PUDP: variants seen among roughly 807,000 people sequenced by gnomAD.
The protein encoded by PUDP is pseudouridine 5'-phosphatase.
In PUDP, 8 loss-of-function variants were observed where a neutral mutation model predicts 9.4. The ratio of observed to expected loss-of-function variants is 0.85; its 90% CI spans 0.50 to 1.53. PUDP has a LOEUF of 1.53. Among genes scored for constraint, PUDP ranks in the 40% most tolerant of loss-of-function variants. PUDP has a pLI of 0.00. For missense variants in PUDP, 188 were observed against 189.7 expected (o/e 0.99, Z 0.05); for synonymous variants, 99 against 80.7 (o/e 1.23, Z -1.22).
chrX:6,726,593 T>C (rs769236353), intron 3 of PUDP, among the ~76,000 whole-genome samples: 1 of 111,979 alleles, frequency 8.9e-6, no homozygotes, highest in African/African-American at 3.2e-5. Context: ...GGAAAACATA[T>C]ATATTCTAAA....
intron 1 of PUDP, among the ~76,000 whole-genome samples, chrX:7,128,836 T>C (rs1932548306): frequency 8.9e-6 from 1 of 111,808 alleles, no homozygotes; most frequent in African/African-American, 3.3e-5. Flanking sequence ...ATTTTGCGGA[T>C]AAAAATCAGG....
intron 3 of PUDP, among the ~76,000 whole-genome samples, chrX:6,769,849 A>G (rs996147715): frequency 1.8e-5 from 2 of 112,031 alleles, no homozygotes; most frequent in Non-Finnish European, 3.8e-5. Flanking sequence ...ATATTAATAT[A>G]AAGAAACTGT....
intron 1 of PUDP, among the ~76,000 whole-genome samples, chrX:6,981,333 A>C (rs2146799684): frequency 8.9e-6 from 1 of 111,907 alleles, no homozygotes; most frequent in East Asian, 2.8e-4. Context: ...TGATTTAAAA[A>C]GGTTAGGAAG....
At chrX:6,764,689 A>G (rs894858679) in intron 3 of PUDP, among the ~76,000 whole-genome samples, 2 of 111,634 alleles carry the variant, frequency 1.8e-5, no homozygotes, top group Non-Finnish European at 3.8e-5. Context: ...AACATTCATC[A>G]AAATTATTGA....
chrX:7,026,066 G>A (rs1929704873), intron 1 of PUDP, among the ~76,000 whole-genome samples: 1 of 112,378 alleles, frequency 8.9e-6, no homozygotes, highest in South Asian at 3.7e-4. Context: ...AACAGAGACT[G>A]CTTATTCTTA....
intron 3 of PUDP, among the ~76,000 whole-genome samples, chrX:6,765,032 C>T (rs945184400): frequency 1.8e-5 from 2 of 108,764 alleles, no homozygotes; most frequent in Non-Finnish European, 1.9e-5. Context: ...TTTGGGAGGC[C>T]GAGGCACGAG....
At chrX:6,962,029 G>A (rs1176416483) in intron 3 of PUDP, among the ~76,000 whole-genome samples, 4 of 112,068 alleles carry the variant, frequency 3.6e-5, no homozygotes, top group South Asian at 3.7e-4. Flanking sequence ...ATATGAAAAG[G>A]AAAATCAATT....
intron 3 of PUDP, among the ~76,000 whole-genome samples, chrX:6,729,052 G>A (rs973621462): frequency 3.6e-5 from 4 of 111,666 alleles, no homozygotes; most frequent in Non-Finnish European, 7.5e-5. Flanking sequence ...AGATCACAGA[G>A]GCAAAGTGCC....
chrX:6,795,545 G>A (rs1258641912), intron 3 of PUDP, among the ~76,000 whole-genome samples: 1 of 111,452 alleles, frequency 9.0e-6, no homozygotes, highest in African/African-American at 3.3e-5. Context: ...TGTGCTTAGG[G>A]ACCTGACCTG....
intron 3 of PUDP, among the ~76,000 whole-genome samples, chrX:6,806,004 C>A (rs186394518): frequency 5.0e-4 from 56 of 111,061 alleles, no homozygotes; most frequent in African/African-American, 1.8e-3. Context: ...AAGCAGAAAG[C>A]CCCAATAGGA....
intron 3 of PUDP, among the ~76,000 whole-genome samples, chrX:7,061,990 T>A (rs1404682864): frequency 4.5e-5 from 5 of 112,319 alleles, no homozygotes; most frequent in African/African-American, 1.6e-4. Flanking sequence ...TGCCACTAAA[T>A]ATCTCAATTA....
In PUDP at chrX:6,732,541, AAG is replaced by A. The variant is rs758245416; in HGVS notation, c.*248-26077_*248-26076del. Among the ~76,000 whole-genome samples the A allele has an allele frequency of 5.2e-3, 542 of 103,716 alleles. 7 individuals carry two copies. The highest frequency in any genetic ancestry group is 0.018 in the African/African-American group (523 of 28,627). 90.1% of individuals were successfully genotyped at this position (103,716 alleles called of 115,157 possible). Reference sequence around the variant, plus strand: ...AGGCACACGTGAGGTAAGTGAAAGAAAGAGAGAGAAAGAGGGAGGGAGGTAGG... The same window carrying A: ...AGGCACACGTGAGGTAAGTGAAAGAAAGAGAGAAAGAGGGAGGGAGGTAGG... On this transcript the variant is annotated intron_variant and NMD_transcript_variant, in intron 3 of 3. Transcript: ENST00000655425.
At chrX:6,720,254 G>GTATATA (rs1403562241) in intron 1 of PUDP, among the ~76,000 whole-genome samples, 969 of 38,748 alleles carry the variant, frequency 0.025, 2 homozygotes, top group Non-Finnish European at 0.028. Flanking sequence ...ATGTGTGTGT[G>GTATATA]TGTGTATATA....
At chrX:6,742,109 C>T (rs1224768012) in intron 3 of PUDP, among the ~76,000 whole-genome samples, 1 of 111,751 alleles carries the variant, frequency 8.9e-6, no homozygotes, top group Non-Finnish European at 1.9e-5. Flanking sequence ...CCGCCTCGGA[C>T]TCTCAAAGTG....
chrX:6,854,298 T>G, intron 3 of PUDP, among the ~76,000 whole-genome samples: 1 of 111,913 alleles, frequency 8.9e-6, no homozygotes, highest in East Asian at 2.8e-4. Context: ...AAATTAGGAT[T>G]CCAACTTTCA....
At chrX:6,708,247 C>G (rs1044016092) in intron 1 of PUDP, among the ~76,000 whole-genome samples, 5 of 111,603 alleles carry the variant, frequency 4.5e-5, no homozygotes, top group African/African-American at 1.6e-4. Flanking sequence ...CCAACAGCCT[C>G]TGGTAGCATT....
At chrX:7,043,429 G>A (rs932620451) in intron 1 of PUDP, among the ~76,000 whole-genome samples, 5 of 111,394 alleles carry the variant, frequency 4.5e-5, no homozygotes, top group African/African-American at 9.8e-5. Context: ...TCCCCTTCCC[G>A]TTCCACCATG....
At chrX:7,146,568 G>A (rs761053195) in intron 1 of PUDP, among the ~76,000 whole-genome samples, 1 of 110,828 alleles carries the variant, frequency 9.0e-6, no homozygotes, top group Non-Finnish European at 1.9e-5. Flanking sequence ...TGACCTCTAC[G>A]GGGATTTTTT....
intron 3 of PUDP, among the ~76,000 whole-genome samples, chrX:6,853,261 A>ACTGC (rs1294196663): frequency 9.0e-6 from 1 of 111,022 alleles, no homozygotes; most frequent in Non-Finnish European, 1.9e-5. Context: ...ACCCACCTTA[A>ACTGC]CTGCCTGCCT....
Sources: allele counts gnomAD v4.1 joint callset (sites outside exome capture counted in the v4.1 genomes callset), GRCh38; gene constraint gnomAD v4.1.1; transcripts MANE v1.5; gene names NCBI Gene and HGNC (gene_info 2026-07-23, HGNC 2026-07-21).